Variants in PPIG observed in about 807,000 individuals in gnomAD.
PPIG encodes peptidylprolyl isomerase G.
A neutral mutation model predicts 87.9 loss-of-function variants in PPIG; 26 were observed. The observed-to-expected ratio is 0.30, with a 90% CI of 0.22 to 0.41. The LOEUF (loss-of-function observed/expected upper bound fraction) is 0.41. PPIG is among the 10% of genes least tolerant of loss of function. The pLI, the probability that PPIG is intolerant of heterozygous loss-of-function variation, is 1.00. For synonymous variants in PPIG, 308 were observed against 276.5 expected (o/e 1.11, Z -1.13); for missense variants, 722 against 879.4 (o/e 0.82, Z 2.26).
rs188999640 is a variant in PPIG, at chr2:169,619,913, C to T, written c.547+5189C>T. On this transcript the variant is annotated intron_variant, in intron 9 of 13. Coordinates refer to ENST00000260970, the MANE Select transcript of PPIG (RefSeq NM_004792.3). Reference sequence around the variant, plus strand: ...GAAATATCTCTTCAGATTCTTTTCCCATTTTTAAATCAGGTTGTTTTCTTG... The same window carrying T: ...GAAATATCTCTTCAGATTCTTTTCCTATTTTTAAATCAGGTTGTTTTCTTG... Among the ~76,000 whole-genome samples, 476 of 152,146 alleles carry T rather than the reference C, an allele frequency of 3.1e-3. 3 individuals carry two copies. The highest frequency in any genetic ancestry group is 0.011 in the African/African-American group (443 of 41,542).
chr2:169,603,501 AG>A (rs1247182003), intron 1 of PPIG, 140 bp from the exon 2 acceptor site: 5 of 10,386 alleles, frequency 4.8e-4, no homozygotes, highest in African/African-American at 1.6e-3. Context: ...ATTTAACAAT[AG>A]TTAAATAGTA....
At chr2:169,604,315 C>CTTTG in intron 4 of PPIG, 54 bp downstream of exon 4, 1 of 729,818 alleles carries the variant, frequency 1.4e-6, no homozygotes, top group Non-Finnish European at 2.2e-6. Flanking sequence ...CTATGGCTTG[C>CTTTG]TTGCTTGCTT....
chr2:169,620,690 C>T (rs975003060), intron 9 of PPIG, among the ~76,000 whole-genome samples: 4 of 152,074 alleles, frequency 2.6e-5, no homozygotes, highest in South Asian at 2.1e-4. Flanking sequence ...TTTATTTAGA[C>T]GAGACCATTT....
intron 9 of PPIG, among the ~76,000 whole-genome samples, chr2:169,624,732 C>A (rs781207080): frequency 1.3e-5 from 2 of 152,142 alleles, no homozygotes; most frequent in African/African-American, 4.8e-5. Context: ...GGACTACAGG[C>A]GCCCACCACC....
chr2:169,596,514 C>G (rs985890632), intron 1 of PPIG, among the ~76,000 whole-genome samples: 2 of 152,196 alleles, frequency 1.3e-5, no homozygotes, highest in African/African-American at 2.4e-5. Flanking sequence ...ACCTCACCTC[C>G]TTTAGACTGC....
At chr2:169,599,824 C>G (rs1264521804) in intron 1 of PPIG, among the ~76,000 whole-genome samples, 2 of 152,156 alleles carry the variant, frequency 1.3e-5, no homozygotes, top group Non-Finnish European at 2.9e-5. Flanking sequence ...GCCCCCATTC[C>G]TAAGCACTGC....
At chr2:169,601,140 T>C (rs998627810) in intron 1 of PPIG, among the ~76,000 whole-genome samples, 1 of 152,226 alleles carries the variant, frequency 6.6e-6, no homozygotes, top group Admixed American at 6.5e-5. Context: ...TTTCTTGGCT[T>C]GTGTTACAAT....
chr2:169,635,694 T>C (rs1686159972), intron 12 of PPIG, among the ~76,000 whole-genome samples: 1 of 152,202 alleles, frequency 6.6e-6, no homozygotes, highest in Non-Finnish European at 1.5e-5. Flanking sequence ...TAAGTATATA[T>C]AACATTTAGA....
intron 7 of PPIG, among the ~76,000 whole-genome samples, chr2:169,610,466 A>G (rs1026341611): frequency 6.7e-6 from 1 of 149,856 alleles, no homozygotes; most frequent in East Asian, 1.9e-4. Context: ...TCTCCTTCCT[A>G]CCTAGTTTTG....
At chr2:169,596,982 G>T (rs562346335) in intron 1 of PPIG, among the ~76,000 whole-genome samples, 1 of 152,038 alleles carries the variant, frequency 6.6e-6, no homozygotes, top group Non-Finnish European at 1.5e-5. Context: ...GATTACAGGC[G>T]GGAGCCACCA....
intron 9 of PPIG, among the ~76,000 whole-genome samples, chr2:169,617,240 C>A (rs968351103): frequency 6.6e-6 from 1 of 152,206 alleles, no homozygotes; most frequent in South Asian, 2.1e-4. Flanking sequence ...GGTACCAGTA[C>A]CATGCTGTTT....
At chr2:169,635,933 T>C (rs776616270) in intron 12 of PPIG, among the ~76,000 whole-genome samples, 159 bp from the exon 13 acceptor site, 5 of 152,196 alleles carry the variant, frequency 3.3e-5, no homozygotes, top group Non-Finnish European at 4.4e-5. Flanking sequence ...TGGAAACATA[T>C]ACTTTTAAGC....
intron 1 of PPIG, among the ~76,000 whole-genome samples, chr2:169,601,816 C>T (rs1476898796): frequency 6.6e-6 from 1 of 151,776 alleles, no homozygotes; most frequent in African/African-American, 2.4e-5. Flanking sequence ...CCACAAGCCA[C>T]ATGTGCTTTT....
At chr2:169,603,942 G>A (rs1290055475) in intron 2 of PPIG, 84 bp from the exon 3 acceptor site, 1 of 1,023,880 alleles carries the variant, frequency 9.8e-7, no homozygotes. Context: ...TTCTAATATT[G>A]TTTCACAGAA....
chr2:169,620,390 AC>A (rs1280581789), intron 9 of PPIG, among the ~76,000 whole-genome samples: 1 of 151,138 alleles, frequency 6.6e-6, no homozygotes, highest in Admixed American at 6.6e-5. Flanking sequence ...GTTTTATCCT[AC>A]TTCTCATTTT....
chr2:169,623,563 T>C (rs1362098540), intron 9 of PPIG, among the ~76,000 whole-genome samples: 1 of 152,138 alleles, frequency 6.6e-6, no homozygotes, highest in Non-Finnish European at 1.5e-5. Flanking sequence ...TGCCTGACAA[T>C]ACAGAACAAA....
chr2:169,596,710 T>G (rs1370871636), intron 1 of PPIG, among the ~76,000 whole-genome samples: 1 of 152,078 alleles, frequency 6.6e-6, no homozygotes, highest in African/African-American at 2.4e-5. Flanking sequence ...TGGTCCATTT[T>G]TTTTTCTGAG....
intron 7 of PPIG, 76 bp from the exon 8 acceptor site, chr2:169,614,385 TTTC>T (rs1280760112): frequency 4.6e-6 from 6 of 1,294,706 alleles, no homozygotes; most frequent in Non-Finnish European, 6.5e-6. Flanking sequence ...ATACAGTTAT[TTTC>T]TTTTTCTTTT....
intron 1 of PPIG, among the ~76,000 whole-genome samples, chr2:169,590,129 CA>C (rs59876325): frequency 5.2e-4 from 73 of 139,308 alleles, no homozygotes; most frequent in African/African-American, 7.1e-4. Flanking sequence ...CGACAACAAC[CA>C]AAAAAAAAAA....
Sources: allele counts gnomAD v4.1 joint callset (sites outside exome capture counted in the v4.1 genomes callset), GRCh38; gene constraint gnomAD v4.1.1; transcripts MANE v1.5; gene names NCBI Gene and HGNC (gene_info 2026-07-23, HGNC 2026-07-21).